Variants in TFCP2L1 observed in about 807,000 individuals in gnomAD.
The protein encoded by TFCP2L1 is transcription factor CP2 like 1, also known as transcription factor CP2-like protein 1.
A neutral mutation model predicts 72.2 loss-of-function variants in TFCP2L1; 12 were observed. The ratio of observed to expected loss-of-function variants is 0.17; its 90% CI spans 0.11 to 0.27. The LOEUF (loss-of-function observed/expected upper bound fraction) is 0.27, where lower values mean the gene tolerates loss of function less well. Ranked by LOEUF, TFCP2L1 falls within the 10% of genes least tolerant of loss-of-function variation. TFCP2L1 has a pLI of 1.00. For missense variants in TFCP2L1, 488 were observed against 624.6 expected (o/e 0.78, Z 2.33); for synonymous variants, 260 against 251.0 (o/e 1.04, Z -0.34).
At chr2:121,242,307 G>A in intron 7 of TFCP2L1, 52 bp downstream of exon 7, 5 of 1,511,088 alleles carry the variant, frequency 3.3e-6, no homozygotes, top group African/African-American at 2.7e-5. Context: ...CAGCAGCCCT[G>A]CTCCTGGTGG....
chr2:121,252,797 T>C (rs917174293), intron 2 of TFCP2L1, among the ~76,000 whole-genome samples: 1 of 152,224 alleles, frequency 6.6e-6, no homozygotes, highest in African/African-American at 2.4e-5. Flanking sequence ...ATTAACACGT[T>C]TGTAGCAACT....
chr2:121,268,587 T>C (rs748001268), intron 2 of TFCP2L1, among the ~76,000 whole-genome samples: 2 of 151,942 alleles, frequency 1.3e-5, no homozygotes, highest in Non-Finnish European at 2.9e-5. Context: ...AACAAAAATA[T>C]TATATCATTC....
intron 2 of TFCP2L1, among the ~76,000 whole-genome samples, chr2:121,260,666 C>T (rs983857318): frequency 6.6e-6 from 1 of 152,238 alleles, no homozygotes; most frequent in African/African-American, 2.4e-5. Flanking sequence ...AGGCCATCCA[C>T]TGTCTTCCAG....
intron 2 of TFCP2L1, among the ~76,000 whole-genome samples, chr2:121,268,662 G>C (rs1295675732): frequency 6.6e-6 from 1 of 151,948 alleles, no homozygotes; most frequent in Admixed American, 6.6e-5. Flanking sequence ...AGGTTCAGGG[G>C]AGAAGAGAAG....
At chr2:121,251,235 G>A (rs535085568) in intron 2 of TFCP2L1, among the ~76,000 whole-genome samples, 38 of 151,782 alleles carry the variant, frequency 2.5e-4, no homozygotes, top group African/African-American at 8.0e-4. Context: ...CAGCCTGGGC[G>A]AGAGAGTGAG....
chr2:121,235,740 A>G (rs1686235935), intron 10 of TFCP2L1, among the ~76,000 whole-genome samples: 1 of 149,970 alleles, frequency 6.7e-6, no homozygotes. Context: ...TTTTTTTGAC[A>G]TATAATCTGT....
chr2:121,257,873 C>A (rs1237985828), intron 2 of TFCP2L1, among the ~76,000 whole-genome samples: 1 of 122,934 alleles, frequency 8.1e-6, no homozygotes, highest in South Asian at 2.4e-4. Flanking sequence ...CCCACCCCTC[C>A]CTCCTTGAAT....
At chr2:121,255,294 T>C (rs1686692182) in intron 2 of TFCP2L1, among the ~76,000 whole-genome samples, 1 of 152,134 alleles carries the variant, frequency 6.6e-6, no homozygotes, top group African/African-American at 2.4e-5. Flanking sequence ...TTCTTAACAA[T>C]GATCCAGGAG....
At chr2:121,282,180 T>A (rs377061204) in intron 1 of TFCP2L1, among the ~76,000 whole-genome samples, 41 of 151,836 alleles carry the variant, frequency 2.7e-4, no homozygotes, top group Middle Eastern at 3.4e-3. Context: ...TGATCCACCC[T>A]CCTCGGCCTC....
Position 121,285,050 on chromosome 2 carries a change from C to G in TFCP2L1, c.60G>C (p.Leu20=). 1 of 1,508,732 alleles carries G rather than the reference C, an allele frequency of 6.6e-7. No homozygotes were observed. Among genetic ancestry groups the G allele is most frequent in the African/African-American group, 1.4e-5 (1 of 69,646 alleles). The allele number at this position is 1,508,732 out of a possible 1,614,324, so 93.5% of individuals were successfully genotyped here. A position where few individuals can be genotyped will look rare whatever the true frequency, so the allele number is the denominator to read the frequency against. The part of the protein sequence containing the change: ...HYNQHNSGSY[L]RDVLALPIFK... ...CGGGGACCGCGCGCGGCCCTTACCG[C>G]AGGTAGCTGCCGGAGTTGTGCTGGT... is the stretch of plus-strand genomic sequence containing the variant. The change falls in exon 1 of 15, where the codon CTG becomes CTC. Residue 20 remains leucine (L), a splice_region_variant and synonymous_variant. Transcript: ENST00000263707.
At chr2:121,263,399 G>A (rs1686862692) in intron 2 of TFCP2L1, among the ~76,000 whole-genome samples, 2 of 148,358 alleles carry the variant, frequency 1.3e-5, no homozygotes, top group African/African-American at 5.0e-5. Context: ...CTAATATAAC[G>A]GTTCTTGAAG....
At chr2:121,258,942 T>A (rs753439777) in intron 2 of TFCP2L1, among the ~76,000 whole-genome samples, 5 of 152,202 alleles carry the variant, frequency 3.3e-5, no homozygotes, top group African/African-American at 1.2e-4. Context: ...CATGCTAAAG[T>A]ATGACTAAGA....
Position 121,269,494 on chromosome 2 carries a change from C to T in TFCP2L1, c.214+11626G>A, listed in dbSNP as rs193124225. On this transcript the variant is annotated intron_variant, in intron 2 of 14. Coordinates refer to ENST00000263707, the MANE Select transcript of TFCP2L1 (RefSeq NM_014553.3). ...TTTTATTATGGGCTGGGTGCAGTGG[C>T]TCATGCGTATAATCCCAGCACTTAG... 1.8e-4 allele frequency among the ~76,000 whole-genome samples: 27 copies of T among 152,100 alleles called. 1 individual carries two copies. In the East Asian group the frequency reaches 4.5e-3, roughly 25 times the overall value.
chr2:121,270,437 A>T (rs1231394724), intron 2 of TFCP2L1, among the ~76,000 whole-genome samples: 1 of 152,214 alleles, frequency 6.6e-6, no homozygotes, highest in Non-Finnish European at 1.5e-5. Flanking sequence ...TACCTACCAA[A>T]ATGTCATGCT....
In TFCP2L1 at chr2:121,231,811, G is replaced by A. The variant is rs771632525; in HGVS notation, c.1341+15C>T. 6.2e-7 allele frequency: 1 copy of A among 1,611,684 alleles called. No individual in the cohort carries two copies. The highest frequency in any genetic ancestry group is 1.1e-5 in the South Asian group (1 of 90,900). On this transcript the variant is annotated intron_variant, in intron 13 of 14. Coordinates refer to ENST00000263707, the MANE Select transcript of TFCP2L1 (RefSeq NM_014553.3). The stretch of plus-strand genomic sequence containing the variant: ...CAGAGCCCGTTGTCGGGGCAGGCCA[G>A]GCAGCAGCCCTCACCTCGTTGCTCA...
rs1275917596 is a variant in TFCP2L1 at position 121,246,936 on chromosome 2, T to C, written c.539A>G (p.Lys180Arg). 3 of 1,614,030 alleles carry C rather than the reference T, an allele frequency of 1.9e-6. No homozygotes were observed. The African/African-American group carries it at 4.0e-5, about 22-fold the overall frequency. ...HCISTEFTPR[K>R]HGGEKGVPFR... ...GGGCACTCCCTTCTCGCCCCCGTGCTTCCTGGGGGTGAATTCTGTGCTGAT... is the reference window on the plus strand; with the variant it reads ...GGGCACTCCCTTCTCGCCCCCGTGCCTCCTGGGGGTGAATTCTGTGCTGAT... The change falls in exon 6 of 15, where the codon AAG (lysine) becomes AGG (arginine). Residue 180 changes from lysine to arginine, a missense_variant. Transcript: ENST00000263707.
chr2:121,285,184 G>T lies in TFCP2L1; in HGVS notation c.-75C>A, dbSNP rs548142474. 2 of 1,287,612 alleles carry T rather than the reference G, an allele frequency of 1.6e-6. No individual in the cohort carries two copies. Among genetic ancestry groups the T allele is most frequent in the South Asian group, 2.2e-5 (1 of 45,656 alleles). 79.8% of individuals were successfully genotyped at this position (1,287,612 alleles called of 1,614,324 possible). On this transcript the variant is annotated 5_prime_UTR_variant, in exon 1 of 15. Transcript: ENST00000263707. ...CGGGGCGCGCCGAGGACCCAGCGGC[G>T]GCTTCGCGCTCCGAACCCGCGGTGC... is the stretch of plus-strand genomic sequence containing the variant.
At chr2:121,248,410 C>T (rs1686533960) in intron 4 of TFCP2L1, 140 bp from the exon 5 acceptor site, 1 of 652,450 alleles carries the variant, frequency 1.5e-6, no homozygotes. Context: ...GCATAACTTA[C>T]TGGACGGAAA....
chr2:121,225,940 T>C (rs1169197252), intron 13 of TFCP2L1, among the ~76,000 whole-genome samples: 3 of 138,962 alleles, frequency 2.2e-5, no homozygotes, highest in Non-Finnish European at 1.5e-5. Flanking sequence ...TGCCACGGTG[T>C]CTACACACAC....
Sources: gnomAD v4.1 joint callset for allele counts (sites outside exome capture counted in the v4.1 genomes callset) on GRCh38, gnomAD v4.1.1 for gene constraint, MANE v1.5 for transcripts, NCBI Gene and HGNC (gene_info 2026-07-23, HGNC 2026-07-21) for gene names.